RSRC1: variants seen among roughly 807,000 people sequenced by gnomAD.
RSRC1 encodes serine/Arginine-related protein 53.
Under a neutral mutation model 49.1 loss-of-function variants are expected in RSRC1, and 39 were observed. The observed-to-expected ratio is 0.79, with a 90% CI of 0.61 to 1.04. The LOEUF (loss-of-function observed/expected upper bound fraction) is 1.04, where lower values mean the gene tolerates loss of function less well. Ranked by LOEUF, RSRC1 falls within the 50% of genes least tolerant of loss-of-function variation. RSRC1 has a pLI of 0.00. For synonymous variants in RSRC1, 143 were observed against 130.8 expected, an observed-to-expected ratio of 1.09 and a Z score of -0.63; for missense variants, 388 against 402.4, an observed-to-expected ratio of 0.96 and a Z score of 0.31.
chr3:158,223,172 G>A (rs116035857), intron 4 of RSRC1, among the ~76,000 whole-genome samples: 194 of 151,456 alleles, frequency 1.3e-3, no homozygotes, highest in African/African-American at 4.3e-3. Flanking sequence ...TATGCCCTTC[G>A]TCTTCCTCTT....
At chr3:158,295,059 G>A (rs114298889) in intron 4 of RSRC1, among the ~76,000 whole-genome samples, 2,457 of 152,224 alleles carry the variant, frequency 0.016, 87 homozygotes, top group African/African-American at 0.056. Flanking sequence ...AAGTAAATAG[G>A]CATTTATAAA....
rs560911778 is a variant in RSRC1, at chr3:158,338,371, A to G, written c.532-16486A>G. On this transcript the variant is annotated intron_variant, in intron 5 of 9. Transcript: ENST00000611884. ...CTTGGTACTAAGTTCTAGAGGCAAG[A>G]TAAATCTACTTTTGAGCTATTTGTA... 2.0e-5 allele frequency among the ~76,000 whole-genome samples: 3 copies of G among 152,338 alleles called. No homozygotes were observed. In the South Asian group the frequency reaches 6.2e-4, roughly 32 times the overall value.
intron 4 of RSRC1, among the ~76,000 whole-genome samples, chr3:158,248,131 C>A (rs1207106660): frequency 6.6e-6 from 1 of 152,190 alleles, no homozygotes; most frequent in South Asian, 2.1e-4. Context: ...CAGGCATTTT[C>A]TCTTGCTCCC....
chr3:158,314,866 T>A (rs1326974649), intron 5 of RSRC1, among the ~76,000 whole-genome samples: 1 of 152,100 alleles, frequency 6.6e-6, no homozygotes, highest in Non-Finnish European at 1.5e-5. Flanking sequence ...ACCCCGTCTC[T>A]ACTAAAAATA....
chr3:158,366,962 A>G (rs902719998), intron 6 of RSRC1, among the ~76,000 whole-genome samples: 1 of 152,178 alleles, frequency 6.6e-6, no homozygotes, highest in African/African-American at 2.4e-5. Flanking sequence ...ACTCATGTAT[A>G]GGAATGCTTG....
In RSRC1 at chr3:158,203,080, C is replaced by A; in HGVS notation, c.329C>A (p.Ser110Ter). 1 of 1,612,038 alleles carries A rather than the reference C, an allele frequency of 6.2e-7. No individual in the cohort carries two copies. The highest frequency in any genetic ancestry group is 1.1e-5 in the South Asian group (1 of 90,782). Residue 110 changes from serine (S) to a stop codon, truncating the protein, a stop_gained, in exon 4 of 10, where the codon TCA becomes TAA. Transcript: ENST00000611884. LOFTEE classifies it high-confidence loss of function. ...RSKSRTRRSR[S>*]RPRLRSHSRS... ...AAATCTGCTTACTGTAGGTCCAGGTCAAGACCTCGTCTCCGTTCTCATAGT... is the reference window on the plus strand; with the variant it reads ...AAATCTGCTTACTGTAGGTCCAGGTAAAGACCTCGTCTCCGTTCTCATAGT...
intron 6 of RSRC1, among the ~76,000 whole-genome samples, chr3:158,431,580 A>G (rs1374397156): frequency 6.6e-6 from 1 of 151,882 alleles, no homozygotes; most frequent in Non-Finnish European, 1.5e-5. Context: ...TTTCAAATAG[A>G]ATATTTTTTA....
At chr3:158,425,151 A>T (rs1287381522) in intron 6 of RSRC1, among the ~76,000 whole-genome samples, 1 of 151,312 alleles carries the variant, frequency 6.6e-6, no homozygotes, top group Non-Finnish European at 1.5e-5. Flanking sequence ...TTGCTTTTCT[A>T]GTTCTTTTAA....
intron 4 of RSRC1, among the ~76,000 whole-genome samples, chr3:158,288,600 G>A (rs1464534602): frequency 3.3e-5 from 5 of 152,048 alleles, no homozygotes; most frequent in East Asian, 1.9e-4. Flanking sequence ...ATCTTCCCCC[G>A]GTATCTGTGG....
At position 158,165,470 on chromosome 3, in the gene RSRC1, G is replaced by A. The variant is rs570225820; in HGVS notation, c.321-37602G>A. Among the ~76,000 whole-genome samples the A allele has an allele frequency of 2.0e-5, 3 of 152,190 alleles. 1 individual carries two copies. Among genetic ancestry groups the A allele is most frequent in the African/African-American group, 7.2e-5 (3 of 41,452 alleles). On this transcript the variant is annotated intron_variant, in intron 3 of 9. Coordinates refer to ENST00000611884, the MANE Select transcript of RSRC1 (RefSeq NM_001271838.2). Reference sequence around the variant, plus strand: ...ACTCTGTGTAGTCATTGAGCTGTTTGTAGCCATTTTAAGGTTCATTTAACT... The same window carrying A: ...ACTCTGTGTAGTCATTGAGCTGTTTATAGCCATTTTAAGGTTCATTTAACT...
chr3:158,291,118 T>G (rs557796403), intron 4 of RSRC1, among the ~76,000 whole-genome samples: 2 of 152,320 alleles, frequency 1.3e-5, no homozygotes, highest in Admixed American at 6.5e-5. Flanking sequence ...GGAGGGCCAC[T>G]TGGGCCCAGG....
At chr3:158,217,874 G>A (rs539842088) in intron 4 of RSRC1, among the ~76,000 whole-genome samples, 9 of 151,568 alleles carry the variant, frequency 5.9e-5, no homozygotes, top group South Asian at 2.1e-4. Flanking sequence ...TGGTGGGGAC[G>A]GAGATGTATT....
chr3:158,120,863 T>G (rs1396992980), intron 1 of RSRC1, among the ~76,000 whole-genome samples: 1 of 150,508 alleles, frequency 6.6e-6, no homozygotes, highest in Non-Finnish European at 1.5e-5. Flanking sequence ...TGTTTTTATA[T>G]GACTTTGAAA....
intron 6 of RSRC1, among the ~76,000 whole-genome samples, chr3:158,396,333 C>G (rs1402651023): frequency 6.6e-6 from 1 of 150,948 alleles, no homozygotes; most frequent in Admixed American, 6.6e-5. Flanking sequence ...TACCCCTGAA[C>G]CTAAAATAAA....
At chr3:158,130,548 C>A (rs1486676403) in intron 3 of RSRC1, among the ~76,000 whole-genome samples, 1 of 152,036 alleles carries the variant, frequency 6.6e-6, no homozygotes. Context: ...GGGGATAACA[C>A]CCAAGTCTAA....
chr3:158,498,718 C>T (rs1214756559), intron 7 of RSRC1, among the ~76,000 whole-genome samples: 1 of 152,140 alleles, frequency 6.6e-6, no homozygotes, highest in African/African-American at 2.4e-5. Context: ...AGATTTAAGA[C>T]CTTAATCCAT....
intron 4 of RSRC1, among the ~76,000 whole-genome samples, chr3:158,278,905 A>G (rs1025300144): frequency 6.6e-6 from 1 of 152,208 alleles, no homozygotes; most frequent in South Asian, 2.1e-4. Flanking sequence ...TGGAAATACT[A>G]TAAAGAGTGT....
intron 6 of RSRC1, among the ~76,000 whole-genome samples, chr3:158,446,401 C>T (rs1044046670): frequency 2.6e-5 from 4 of 151,388 alleles, no homozygotes; most frequent in Non-Finnish European, 5.9e-5. Flanking sequence ...TTTTTATTGC[C>T]TATAAAATAT....
At chr3:158,364,089 C>G (rs1731627406) in intron 6 of RSRC1, among the ~76,000 whole-genome samples, 2 of 152,182 alleles carry the variant, frequency 1.3e-5, no homozygotes, top group South Asian at 4.1e-4. Flanking sequence ...CAAGTCCTGA[C>G]CCTTTCTCTT....
Sources: allele counts gnomAD v4.1 joint callset (sites outside exome capture counted in the v4.1 genomes callset), GRCh38; gene constraint gnomAD v4.1.1; transcripts MANE v1.5; gene names NCBI Gene and HGNC (gene_info 2026-07-23, HGNC 2026-07-21).